The following COL22A1 variants were observed in gnomAD, a reference collection of about 807,000 sequenced individuals.
The protein encoded by COL22A1 is collagen alpha-1(XXII) chain.
In COL22A1, 221 loss-of-function variants were observed where a neutral mutation model predicts 248.9. The observed-to-expected ratio is 0.89, with a 90% confidence interval of 0.80 to 0.99. COL22A1 has a LOEUF of 0.99. Among genes scored for constraint, COL22A1 ranks in the 50% least tolerant of loss-of-function variants. The pLI is 0.00. For synonymous variants in COL22A1, 891 were observed against 793.4 expected (o/e 1.12, Z -2.07); for missense variants, 2,240 against 2,179.0 (o/e 1.03, Z -0.56).
At chr8:138,719,503 T>C (rs1829706061) in intron 27 of COL22A1, among the ~76,000 whole-genome samples, 1 of 152,108 alleles carries the variant, frequency 6.6e-6, no homozygotes, top group African/African-American at 2.4e-5. Flanking sequence ...ACAGTTTGAG[T>C]CAACCTGGGT....
chr8:138,762,345 G>T, intron 17 of COL22A1, 68 bp downstream of exon 17: 2 of 1,487,562 alleles, frequency 1.3e-6, no homozygotes, highest in East Asian at 2.3e-5. Flanking sequence ...AGCTTTATGT[G>T]GGGTCTGGTC....
chr8:138,849,427 C>A (rs923689047), intron 3 of COL22A1, among the ~76,000 whole-genome samples: 1 of 152,228 alleles, frequency 6.6e-6, no homozygotes, highest in African/African-American at 2.4e-5. Context: ...GAAAGGGGGA[C>A]TAACTTCTTC....
chr8:138,670,040 C>A (rs1366940539), intron 41 of COL22A1, among the ~76,000 whole-genome samples: 1 of 152,066 alleles, frequency 6.6e-6, no homozygotes, highest in African/African-American at 2.4e-5. Flanking sequence ...GCACCCACCA[C>A]CACACCCAGC....
chr8:138,593,597 T>C lies in COL22A1; in HGVS notation c.4615+420A>G, dbSNP rs533651055. 6.4e-4 allele frequency among the ~76,000 whole-genome samples: 98 copies of C among 152,216 alleles called. 1 individual carries two copies. The highest frequency in any genetic ancestry group is 2.3e-3 in the African/African-American group (95 of 41,520). On this transcript the variant is annotated intron_variant, in intron 63 of 64. Coordinates refer to ENST00000303045, the MANE Select transcript of COL22A1 (RefSeq NM_152888.3). Reference sequence around the variant, plus strand: ...CCTTCTGTTGGCTGGAGCTCTGATGTCCTGATAAGTCACTGCCTTGAGACC... The same window carrying C: ...CCTTCTGTTGGCTGGAGCTCTGATGCCCTGATAAGTCACTGCCTTGAGACC...
At position 138,603,762 on chromosome 8, in the gene COL22A1, G is replaced by A. The variant is rs1818218932; in HGVS notation, c.4140+972C>T. On this transcript the variant is annotated intron_variant, in intron 59 of 64. Coordinates refer to ENST00000303045, the MANE Select transcript of COL22A1 (RefSeq NM_152888.3). ...TGAGGAGTAAACACTTTCCGAATAT[G>A]AAGCTATCCGACTCAGCTTCAAGGA... Among the ~76,000 whole-genome samples, 5 of 152,312 alleles carry A rather than the reference G, an allele frequency of 3.3e-5. No individual in the cohort carries two copies. In the South Asian group the frequency reaches 1.0e-3, roughly 32 times the overall value.
At position 138,811,731 on chromosome 8, in the gene COL22A1, C is replaced by T. The variant is rs1174440863; in HGVS notation, c.1449+68G>A. 4.4e-6 allele frequency: 7 copies of T among 1,596,760 alleles called. No homozygotes were observed. In the African/African-American group the frequency reaches 8.0e-5, roughly 18 times the overall value. On this transcript the variant is annotated intron_variant, in intron 9 of 64. Transcript: ENST00000303045. ...CCCCCCTGACCTGAAAGGCCACATG[C>T]ATGATGGGAAACTCCCACTGCACCA...
chr8:138,737,152 C>T (rs145362523), intron 23 of COL22A1, among the ~76,000 whole-genome samples: 164 of 152,328 alleles, frequency 1.1e-3, no homozygotes, highest in African/African-American at 3.8e-3. Context: ...CTCATTCCAG[C>T]CTGGCTGGCA....
intron 52 of COL22A1, among the ~76,000 whole-genome samples, chr8:138,621,808 G>A (rs1180735499): frequency 6.6e-6 from 1 of 152,220 alleles, no homozygotes; most frequent in Non-Finnish European, 1.5e-5. Context: ...ACACGCAGTT[G>A]CTGTCAGCCA....
At chr8:138,683,864 C>T (rs1001487576) in intron 39 of COL22A1, among the ~76,000 whole-genome samples, 16 of 152,070 alleles carry the variant, frequency 1.1e-4, no homozygotes, top group African/African-American at 2.7e-4. Flanking sequence ...ATCGCTCTGC[C>T]GATTGAAAGT....
chr8:138,903,269 T>C (rs573917000), intron 1 of COL22A1, among the ~76,000 whole-genome samples: 1 of 152,028 alleles, frequency 6.6e-6, no homozygotes, highest in Non-Finnish European at 1.5e-5. Context: ...GGCTATTAAA[T>C]GAAAGAGGCT....
chr8:138,659,045 C>T (rs1823554455), intron 44 of COL22A1, among the ~76,000 whole-genome samples: 2 of 152,120 alleles, frequency 1.3e-5, no homozygotes, highest in African/African-American at 4.8e-5. Context: ...GTCATCTGAA[C>T]CCCCGCTTGA....
intron 11 of COL22A1, among the ~76,000 whole-genome samples, chr8:138,802,124 A>G (rs912421133): frequency 5.3e-5 from 8 of 152,106 alleles, no homozygotes; most frequent in Admixed American, 3.3e-4. Flanking sequence ...ACGTTATTTT[A>G]TTATCCCCAT....
intron 8 of COL22A1, 104 bp from the exon 9 acceptor site, chr8:138,812,025 G>T: frequency 5.2e-6 from 7 of 1,341,836 alleles, no homozygotes; most frequent in Non-Finnish European, 7.0e-6. Flanking sequence ...GCAGCCAAAG[G>T]TTGAGAAAAC....
chr8:138,711,814 C>T (rs555588333), intron 30 of COL22A1, among the ~76,000 whole-genome samples: 1 of 152,282 alleles, frequency 6.6e-6, no homozygotes, highest in African/African-American at 2.4e-5. Flanking sequence ...ATGCAAGAGC[C>T]CTCTGGGTGT....
intron 12 of COL22A1, among the ~76,000 whole-genome samples, chr8:138,793,523 T>G (rs966999784): frequency 1.3e-5 from 2 of 152,204 alleles, no homozygotes; most frequent in Non-Finnish European, 2.9e-5. Flanking sequence ...ACAGCTAATA[T>G]GTGGCGGAAT....
At chr8:138,787,814 T>C (rs1815672525) in intron 12 of COL22A1, among the ~76,000 whole-genome samples, 1 of 152,182 alleles carries the variant, frequency 6.6e-6, no homozygotes, top group Non-Finnish European at 1.5e-5. Context: ...TGATCTCATT[T>C]GGAGGCATAT....
At chr8:138,594,241 A>C (rs1817333845) in intron 62 of COL22A1, 42 bp from the exon 63 acceptor site, 3 of 1,539,936 alleles carry the variant, frequency 1.9e-6, no homozygotes, top group Non-Finnish European at 2.6e-6. Context: ...AAGAACAGAT[A>C]GTGGACATAG....
intron 31 of COL22A1, among the ~76,000 whole-genome samples, chr8:138,701,946 G>C (rs1335060756): frequency 1.3e-5 from 2 of 152,220 alleles, no homozygotes; most frequent in Non-Finnish European, 1.5e-5. Flanking sequence ...AGAATTCCAT[G>C]ATACAGATAT....
chr8:138,627,298 G>C (rs1481459682), intron 50 of COL22A1, among the ~76,000 whole-genome samples: 1 of 152,146 alleles, frequency 6.6e-6, no homozygotes, highest in Non-Finnish European at 1.5e-5. Flanking sequence ...AGTGATCTAG[G>C]ACTGGAGTCA....
Sources: gnomAD v4.1 joint callset for allele counts (sites outside exome capture counted in the v4.1 genomes callset) on GRCh38, gnomAD v4.1.1 for gene constraint, MANE v1.5 for transcripts, NCBI Gene and HGNC (gene_info 2026-07-23, HGNC 2026-07-21) for gene names.